AIM2: variants seen among roughly 807,000 people sequenced by gnomAD.
The protein encoded by AIM2 is absent in melanoma 2.
Under a neutral mutation model 27.7 loss-of-function variants are expected in AIM2, and 30 were observed. The observed-to-expected ratio is 1.08, with a 90% CI of 0.81 to 1.47. The LOEUF (loss-of-function observed/expected upper bound fraction) is 1.47, where lower values mean the gene tolerates loss of function less well. Ranked by LOEUF, AIM2 falls within the 40% of genes most tolerant of loss-of-function variation. The probability of loss-of-function intolerance (pLI) is 0.00; values close to 1 mark genes in which losing one functional copy is unlikely to be tolerated. For synonymous variants in AIM2, 141 were observed against 145.3 expected (o/e 0.97, Z 0.21); for missense variants, 358 against 411.3 (o/e 0.87, Z 1.12).
chr1:159,138,402 C>T (rs554766020), intron 1 of AIM2, among the ~76,000 whole-genome samples: 2 of 152,206 alleles, frequency 1.3e-5, no homozygotes, highest in Non-Finnish European at 2.9e-5. Context: ...AAGCCACCTC[C>T]TCTGAGAGGT....
chr1:159,060,361 A>G (rs1248362373), downstream of AIM2, among the ~76,000 whole-genome samples: 1 of 152,230 alleles, frequency 6.6e-6, no homozygotes, highest in Non-Finnish European at 1.5e-5. Context: ...AAAAAAAATC[A>G]GAATATCAAA....
chr1:159,133,173 T>TTCTC (rs146143896), intron 1 of AIM2, among the ~76,000 whole-genome samples: 5 of 149,496 alleles, frequency 3.3e-5, no homozygotes, highest in South Asian at 2.1e-4. Context: ...CTTGCTCTTG[T>TTCTC]TCTCTCTCTC....
chr1:159,056,366 C>G, the AIM2 span, among the ~76,000 whole-genome samples: 1 of 152,120 alleles, frequency 6.6e-6, no homozygotes, highest in African/African-American at 2.4e-5. Context: ...GACCCCTTCC[C>G]ACCTGGCTGT....
intron 3 of AIM2, among the ~76,000 whole-genome samples, chr1:159,066,560 T>A (rs1348266065): frequency 1.3e-5 from 2 of 152,100 alleles, no homozygotes; most frequent in Non-Finnish European, 2.9e-5. Context: ...GTGTAACACG[T>A]TTTGGAGGTA....
At chr1:159,070,891 C>T (rs193134609) in intron 2 of AIM2, among the ~76,000 whole-genome samples, 2 of 152,256 alleles carry the variant, frequency 1.3e-5, no homozygotes, top group Admixed American at 1.3e-4. Flanking sequence ...TCAAGGGAGG[C>T]GGAAGGAATC....
downstream of AIM2, among the ~76,000 whole-genome samples, chr1:159,057,578 G>A (rs1025023621): frequency 7.9e-5 from 12 of 152,280 alleles, no homozygotes; most frequent in South Asian, 1.7e-3. Flanking sequence ...GGATGCTGAC[G>A]GAGATTTTTA....
intron 1 of AIM2, among the ~76,000 whole-genome samples, chr1:159,086,992 C>G (rs1293704506): frequency 6.6e-6 from 1 of 152,160 alleles, no homozygotes; most frequent in South Asian, 2.1e-4. Flanking sequence ...ATTGCAAACT[C>G]AAATCACCAA....
intron 1 of AIM2, among the ~76,000 whole-genome samples, chr1:159,116,408 C>G (rs1437088899): frequency 2.0e-5 from 3 of 152,154 alleles, no homozygotes; most frequent in African/African-American, 7.2e-5. Flanking sequence ...GCACTATTCA[C>G]AATAGCAAAG....
At chr1:159,111,629 T>C (rs1041516446) in intron 1 of AIM2, among the ~76,000 whole-genome samples, 3 of 151,924 alleles carry the variant, frequency 2.0e-5, no homozygotes, top group Admixed American at 2.0e-4. Context: ...AGATTGGTCC[T>C]AGAAAAGATT....
At chr1:159,081,604 CA>C, upstream of AIM2, 3 of 416,806 alleles carry the variant, frequency 7.2e-6, no homozygotes, top group East Asian at 7.3e-5. Flanking sequence ...GTCTTTCTTC[CA>C]AAAATAGCAT....
chr1:159,075,672 C>G (rs376946491), intron 1 of AIM2, among the ~76,000 whole-genome samples: 1 of 150,536 alleles, frequency 6.6e-6, no homozygotes, highest in East Asian at 2.0e-4. Flanking sequence ...CATGGAGAAC[C>G]ATGTATCAAT....
chr1:159,055,816 A>G, the AIM2 span, among the ~76,000 whole-genome samples: 1 of 152,230 alleles, frequency 6.6e-6, no homozygotes. Flanking sequence ...GTGACACTTA[A>G]TCTTCATATT....
At chr1:159,095,196 G>C (rs1200097536) in intron 1 of AIM2, among the ~76,000 whole-genome samples, 1 of 152,100 alleles carries the variant, frequency 6.6e-6, no homozygotes, top group East Asian at 1.9e-4. Context: ...TGTTGTACAT[G>C]CTTTATCATC....
intron 1 of AIM2, among the ~76,000 whole-genome samples, chr1:159,085,289 C>T (rs1041186058): frequency 1.1e-4 from 16 of 152,118 alleles, no homozygotes; most frequent in Admixed American, 7.2e-4. Context: ...GAGTTGGGGA[C>T]GTGAGAATTA....
intron 1 of AIM2, among the ~76,000 whole-genome samples, chr1:159,126,374 A>G (rs940659168): frequency 6.6e-6 from 1 of 152,128 alleles, no homozygotes; most frequent in Non-Finnish European, 1.5e-5. Context: ...TAGGCCGGGC[A>G]CGGTGGTTCA....
At chr1:159,139,301 G>A (rs1648068194) in intron 1 of AIM2, among the ~76,000 whole-genome samples, 1 of 152,180 alleles carries the variant, frequency 6.6e-6, no homozygotes, top group Non-Finnish European at 1.5e-5. Context: ...GTAGCACAGG[G>A]TGGCATCTGC....
intron 1 of AIM2, among the ~76,000 whole-genome samples, chr1:159,121,041 A>T (rs1647522663): frequency 2.0e-5 from 3 of 152,196 alleles, no homozygotes; most frequent in African/African-American, 7.2e-5. Context: ...TTGTAACTTA[A>T]CCAACCTCCT....
At chr1:159,136,908 C>T (rs1304728750) in intron 1 of AIM2, among the ~76,000 whole-genome samples, 4 of 152,170 alleles carry the variant, frequency 2.6e-5, no homozygotes, top group Admixed American at 2.0e-4. Flanking sequence ...AAACCCTCCA[C>T]CTCTGGTGGT....
intron 1 of AIM2, among the ~76,000 whole-genome samples, chr1:159,105,320 G>C (rs1311616920): frequency 1.3e-5 from 2 of 152,218 alleles, no homozygotes; most frequent in Non-Finnish European, 2.9e-5. Context: ...AGAAACCACA[G>C]ACCTCCAAAG....
Sources: allele counts gnomAD v4.1 joint callset (sites outside exome capture counted in the v4.1 genomes callset), GRCh38; gene constraint gnomAD v4.1.1; transcripts MANE v1.5; gene names NCBI Gene and HGNC (gene_info 2026-07-23, HGNC 2026-07-21).